SOX5: variants seen among roughly 807,000 people sequenced by gnomAD.
SOX5 encodes the protein transcription factor SOX-5.
Under a neutral mutation model 92.0 loss-of-function variants are expected in SOX5, and 9 were observed. The observed-to-expected ratio is 0.10, with a 90% CI of 0.06 to 0.17. The LOEUF is 0.17. Among genes scored for constraint, SOX5 ranks in the 10% least tolerant of loss-of-function variants. The probability of loss-of-function intolerance (pLI) is 1.00; values close to 1 mark genes in which losing one functional copy is unlikely to be tolerated. For missense variants in SOX5, 642 were observed against 944.5 expected (o/e 0.68, Z 4.20); for synonymous variants, 344 against 336.3 (o/e 1.02, Z -0.25).
chr12:24,285,305 GCATGGTAC>G (rs72092049), intron 2 of SOX5, among the ~76,000 whole-genome samples: 7,595 of 152,140 alleles, frequency 0.05, 581 homozygotes, highest in African/African-American at 0.16. Context: ...ACTTTGTAAA[GCATGGTAC>G]CCTTTCAACA....
intron 6 of SOX5, among the ~76,000 whole-genome samples, chr12:23,672,154 T>A (rs1030154746): frequency 4.6e-5 from 7 of 151,946 alleles, no homozygotes; most frequent in Admixed American, 2.0e-4. Context: ...AATACTTTTG[T>A]CCCATTGCAA....
At chr12:23,737,819 C>T (rs73282060) in intron 5 of SOX5, among the ~76,000 whole-genome samples, 4,534 of 152,228 alleles carry the variant, frequency 0.03, 245 homozygotes, top group African/African-American at 0.1. Context: ...AATACTCTGC[C>T]TAGACAGCCC....
At chr12:23,614,739 T>C (rs1468867466) in intron 8 of SOX5, among the ~76,000 whole-genome samples, 1 of 152,218 alleles carries the variant, frequency 6.6e-6, no homozygotes, top group African/African-American at 2.4e-5. Flanking sequence ...GTCAGACTTT[T>C]CTGAAGTGGC....
chr12:23,546,405 C>T lies in SOX5; in HGVS notation c.1508G>A (p.Ser503Asn). The T allele has an allele frequency of 1.9e-6, 3 of 1,604,110 alleles. No homozygotes were observed. In the South Asian group the frequency reaches 3.3e-5, roughly 18 times the overall value. ...RTEKEKTTLESLTQQLAVKQN... is the reference protein window; with the variant it reads ...RTEKEKTTLENLTQQLAVKQN... ...TTTAACTGCCAGTTGCTGAGTCAGA[C>T]TCTCCAGTGTTGTTTTTTCCTTTAA... is the stretch of plus-strand genomic sequence containing the variant. The change falls in exon 12 of 15, where the codon AGT becomes AAT. Residue 503 changes from serine (S) to asparagine (N), a missense_variant. This residue lies in a region of SOX5 where 324 missense variants were observed against 461.6 expected (regional missense o/e 0.70). Coordinates refer to ENST00000451604, the MANE Select transcript of SOX5 (RefSeq NM_006940.6).
intron 3 of SOX5, among the ~76,000 whole-genome samples, chr12:24,226,323 T>C (rs1961967200): frequency 6.6e-6 from 1 of 152,300 alleles, no homozygotes; most frequent in African/African-American, 2.4e-5. Context: ...AGCAAATGTA[T>C]GTATTTATTC....
intron 2 of SOX5, among the ~76,000 whole-genome samples, chr12:23,863,788 C>T (rs1390965603): frequency 7.2e-6 from 1 of 139,156 alleles, no homozygotes; most frequent in East Asian, 2.1e-4. Flanking sequence ...ACATTTTAAA[C>T]ACACTACACA....
intron 3 of SOX5, among the ~76,000 whole-genome samples, chr12:23,758,161 T>C (rs1034349769): frequency 6.6e-5 from 10 of 152,130 alleles, no homozygotes; most frequent in African/African-American, 2.4e-4. Flanking sequence ...GTATATACTT[T>C]AAATTCAGAT....
chr12:24,068,743 T>C (rs1238830276), intron 4 of SOX5, among the ~76,000 whole-genome samples: 4,259 of 79,394 alleles, frequency 0.054, 140 homozygotes, highest in Middle Eastern at 0.12. Flanking sequence ...TATATATATA[T>C]ATATACACAC....
intron 1 of SOX5, among the ~76,000 whole-genome samples, chr12:24,536,922 G>A (rs1951691453): frequency 1.3e-5 from 2 of 152,038 alleles, no homozygotes; most frequent in Non-Finnish European, 2.9e-5. Context: ...AGCACAACTC[G>A]GGTTCCTTTC....
At chr12:23,954,297 A>G (rs1174041746), upstream of SOX5, among the ~76,000 whole-genome samples, 1 of 152,036 alleles carries the variant, frequency 6.6e-6, no homozygotes, top group Admixed American at 6.6e-5. Context: ...TCTTAATATT[A>G]TAATCACAAT....
At chr12:23,793,864 A>T (rs112195257) in intron 3 of SOX5, among the ~76,000 whole-genome samples, 1 of 152,180 alleles carries the variant, frequency 6.6e-6, no homozygotes, top group Non-Finnish European at 1.5e-5. Context: ...TTTTCAAGAC[A>T]CTGAGAATGC....
At chr12:23,618,025 A>C (rs779568597) in intron 8 of SOX5, among the ~76,000 whole-genome samples, 1 of 152,074 alleles carries the variant, frequency 6.6e-6, no homozygotes, top group Non-Finnish European at 1.5e-5. Flanking sequence ...GCCGCTCCAG[A>C]CTTGCTGTTT....
rs1365560204 is a variant in SOX5, at chr12:23,774,162, GT to G, written c.482-18439del. On this transcript the variant is annotated intron_variant, in intron 3 of 14. Transcript: ENST00000451604. Reference sequence around the variant, plus strand: ...CTATCATCTTCATCAATATCATCATGTTACCTTTTACTGCCGTTATAAATAT... The same window carrying G: ...CTATCATCTTCATCAATATCATCATGTACCTTTTACTGCCGTTATAAATAT... Among the ~76,000 whole-genome samples, 6 of 152,268 alleles carry G rather than the reference GT, an allele frequency of 3.9e-5. No homozygotes were observed. The East Asian group carries it at 1.2e-3, about 29-fold the overall frequency.
intron 4 of SOX5, among the ~76,000 whole-genome samples, chr12:24,028,666 C>T (rs1955157278): frequency 1.3e-5 from 2 of 151,894 alleles, no homozygotes; most frequent in South Asian, 4.1e-4. Context: ...GTAAAATCCC[C>T]CCATCTTTTC....
chr12:23,677,721 A>G (rs1362967935), intron 6 of SOX5, among the ~76,000 whole-genome samples: 2 of 152,136 alleles, frequency 1.3e-5, no homozygotes, highest in East Asian at 1.9e-4. Context: ...AGTAATTTCT[A>G]TTTTTTAGCT....
At chr12:24,361,886 A>C (rs2136183137) in intron 2 of SOX5, among the ~76,000 whole-genome samples, 1 of 152,330 alleles carries the variant, frequency 6.6e-6, no homozygotes, top group Non-Finnish European at 1.5e-5. Flanking sequence ...AAGGTAGAAT[A>C]GGCTTTCTTC....
intron 4 of SOX5, among the ~76,000 whole-genome samples, chr12:23,999,152 G>GTGTGTGTA (rs1365234333): frequency 6.6e-6 from 1 of 150,454 alleles, no homozygotes; most frequent in African/African-American, 2.5e-5. Flanking sequence ...GTGTGTGTGT[G>GTGTGTGTA]TGTGTGTGTG....
intron 1 of SOX5, among the ~76,000 whole-genome samples, chr12:24,459,484 T>A (rs1259920321): frequency 6.6e-6 from 1 of 152,224 alleles, no homozygotes; most frequent in Non-Finnish European, 1.5e-5. Flanking sequence ...TCCAGTTAAA[T>A]ATAAGTACGA....
chr12:23,991,968 T>C (rs80089194), intron 4 of SOX5, among the ~76,000 whole-genome samples: 7,846 of 152,198 alleles, frequency 0.052, 302 homozygotes, highest in Non-Finnish European at 0.083. Flanking sequence ...ATATGAAATC[T>C]TATACTATGC....
Sources: allele counts gnomAD v4.1 joint callset (sites outside exome capture counted in the v4.1 genomes callset), GRCh38; gene constraint gnomAD v4.1.1; regional missense constraint gnomAD v4.1.1; transcripts MANE v1.5; gene names NCBI Gene and HGNC (gene_info 2026-07-23, HGNC 2026-07-21).